The following LY96 variants were observed in gnomAD, a reference collection of about 807,000 sequenced individuals.
LY96 encodes the protein myeloid differentiation protein-2.
A neutral mutation model predicts 18.9 loss-of-function variants in LY96; 18 were observed. The ratio of observed to expected loss-of-function variants is 0.95; its 90% CI spans 0.66 to 1.41. LY96 has a LOEUF of 1.41. LY96 is among the 40% of genes most tolerant of loss of function. The pLI, the probability that LY96 is intolerant of heterozygous loss-of-function variation, is 0.00. For missense variants in LY96, 175 were observed against 182.4 expected (o/e 0.96, Z 0.23); for synonymous variants, 66 against 62.6 (o/e 1.06, Z -0.26).
the LY96 span, among the ~76,000 whole-genome samples, chr8:74,091,018 T>C: frequency 5.9e-5 from 9 of 152,368 alleles, no homozygotes; most frequent in African/African-American, 2.2e-4. Flanking sequence ...TATGTCTATT[T>C]TGGCTGCTAT....
the LY96 span, among the ~76,000 whole-genome samples, chr8:74,096,973 A>G: frequency 6.6e-6 from 1 of 152,158 alleles, no homozygotes; most frequent in Non-Finnish European, 1.5e-5. Flanking sequence ...TGTTGCAGGG[A>G]TGACTTGGGT....
chr8:74,066,014 T>A, the LY96 span, among the ~76,000 whole-genome samples: 1 of 152,222 alleles, frequency 6.6e-6, no homozygotes, highest in Non-Finnish European at 1.5e-5. Context: ...CAACCTTGTA[T>A]GTGAGGGAAG....
chr8:74,080,384 T>C, the LY96 span, among the ~76,000 whole-genome samples: 1 of 152,166 alleles, frequency 6.6e-6, no homozygotes, highest in African/African-American at 2.4e-5. Context: ...CAGTAGTTAA[T>C]TGACACTGAA....
the LY96 span, among the ~76,000 whole-genome samples, chr8:74,074,246 T>C: frequency 8.1e-4 from 123 of 152,326 alleles, 1 homozygote; most frequent in African/African-American, 2.9e-3. Flanking sequence ...GTAATCCACC[T>C]GCCTCAGCTT....
the LY96 span, among the ~76,000 whole-genome samples, chr8:74,051,861 C>G: frequency 6.2e-4 from 95 of 152,260 alleles, no homozygotes; most frequent in African/African-American, 2.2e-3. Flanking sequence ...GCCGCCCAGT[C>G]TATGGTATCC....
chr8:74,075,038 G>A, the LY96 span, among the ~76,000 whole-genome samples: 1 of 152,168 alleles, frequency 6.6e-6, no homozygotes, highest in Non-Finnish European at 1.5e-5. Context: ...ATGTTTCTGT[G>A]TTGATTTTCT....
At chr8:74,081,122 T>C in the LY96 span, among the ~76,000 whole-genome samples, 4,996 of 123,388 alleles carry the variant, frequency 0.04, 287 homozygotes, top group African/African-American at 0.093. Context: ...TCTTTCTTTC[T>C]TTCCTTCCTT....
rs934714919 is a variant in LY96 at position 74,026,650 on chromosome 8, G to T, written c.332-139G>T. ...AAGCCACAGGAGAATAGCAGCCAGG[G>T]TATAAAAGATTCATTATTTTTCTAC... On this transcript the variant is annotated intron_variant, in intron 3 of 4. Coordinates refer to ENST00000284818, the MANE Select transcript of LY96 (RefSeq NM_015364.5). The T allele has an allele frequency of 3.2e-5, 21 of 652,334 alleles. 2 individuals are homozygous for T. In the South Asian group the frequency reaches 3.3e-4, roughly 10 times the overall value. The allele number at this position is 652,334 out of a possible 1,614,324, so 40.4% of individuals were successfully genotyped here.
the LY96 span, among the ~76,000 whole-genome samples, chr8:74,049,589 CA>C: frequency 6.6e-6 from 1 of 152,014 alleles, no homozygotes; most frequent in Admixed American, 6.6e-5. Context: ...AGCAAACAAA[CA>C]AAAAAGGCCA....
chr8:74,002,035 C>T (rs1586648585), intron 1 of LY96, among the ~76,000 whole-genome samples: 2 of 29,010 alleles, frequency 6.9e-5, no homozygotes, highest in African/African-American at 2.6e-4. Context: ...TCCTTCCTTC[C>T]TTCCTTCCTT....
chr8:73,997,698 T>C (rs1031966314), intron 1 of LY96, among the ~76,000 whole-genome samples: 1 of 152,222 alleles, frequency 6.6e-6, no homozygotes, highest in African/African-American at 2.4e-5. Flanking sequence ...TCACTGGCTA[T>C]AAATTGGAGG....
At chr8:74,098,497 T>A in the LY96 span, among the ~76,000 whole-genome samples, 17 of 152,128 alleles carry the variant, frequency 1.1e-4, no homozygotes, top group South Asian at 6.2e-4. Flanking sequence ...TGCGCCAGCC[T>A]CCTAAGAAGT....
At chr8:74,069,437 C>T in the LY96 span, among the ~76,000 whole-genome samples, 25 of 152,268 alleles carry the variant, frequency 1.6e-4, no homozygotes, top group Non-Finnish European at 1.5e-4. Flanking sequence ...AAGGAAGCCT[C>T]GTTCCTGTGA....
At chr8:74,017,158 A>G (rs1348552395) in intron 3 of LY96, among the ~76,000 whole-genome samples, 2 of 152,190 alleles carry the variant, frequency 1.3e-5, no homozygotes, top group Admixed American at 1.3e-4. Context: ...ACCTTGAAAA[A>G]GGATTGGATG....
chr8:74,097,855 C>T, the LY96 span, among the ~76,000 whole-genome samples: 1 of 152,218 alleles, frequency 6.6e-6, no homozygotes, highest in African/African-American at 2.4e-5. Context: ...TGCAGACTCT[C>T]AGACCTGGCA....
In LY96 at chr8:74,002,068, T is replaced by G. The variant is rs1330081807; in HGVS notation, c.113-2728T>G. 2.2e-4 allele frequency among the ~76,000 whole-genome samples: 8 copies of G among 35,596 alleles called. 2 individuals are homozygous for G. In the Admixed American group the frequency reaches 2.4e-3, roughly 11 times the overall value. 23.4% of individuals were successfully genotyped at this position (35,596 alleles called of 152,430 possible). A position where few individuals can be genotyped will look rare whatever the true frequency, so the allele number is the denominator to read the frequency against. On this transcript the variant is annotated intron_variant, in intron 1 of 4. Transcript: ENST00000284818. ...CTTCCTTCCTTCCTTCCTTCCTTCC[T>G]TCCTTCCTTTCTTTCTTTCTTTCTT...
the LY96 span, among the ~76,000 whole-genome samples, chr8:74,058,162 A>G: frequency 1.3e-5 from 2 of 151,794 alleles, no homozygotes; most frequent in East Asian, 3.9e-4. Flanking sequence ...CTTTCTTTTG[A>G]TTTCTTGTAA....
chr8:74,088,646 C>T, the LY96 span, among the ~76,000 whole-genome samples: 2 of 152,118 alleles, frequency 1.3e-5, no homozygotes, highest in Non-Finnish European at 2.9e-5. Flanking sequence ...AGTGCAGTGG[C>T]ACGATCTCGG....
chr8:74,057,464 G>A, the LY96 span, among the ~76,000 whole-genome samples: 1 of 152,144 alleles, frequency 6.6e-6, no homozygotes, highest in African/African-American at 2.4e-5. Flanking sequence ...GTAACTGGAA[G>A]GTCATTTAAA....
Sources: gnomAD v4.1 joint callset for allele counts (sites outside exome capture counted in the v4.1 genomes callset) on GRCh38, gnomAD v4.1.1 for gene constraint, MANE v1.5 for transcripts, NCBI Gene and HGNC (gene_info 2026-07-23, HGNC 2026-07-21) for gene names.